The following GRID2 variants were observed in gnomAD, a reference collection of about 807,000 sequenced individuals.
GRID2 encodes the protein glutamate receptor ionotropic, delta-2.
GRID2 carries 33 observed loss-of-function variants against 114.8 expected under a neutral mutation model. The ratio of observed to expected loss-of-function variants is 0.29; its 90% CI spans 0.22 to 0.38. The LOEUF (loss-of-function observed/expected upper bound fraction) is 0.38, where lower values mean the gene tolerates loss of function less well. Among genes scored for constraint, GRID2 ranks in the 10% least tolerant of loss-of-function variants. The pLI is 1.00. For missense variants in GRID2, 1,184 were observed against 1,257.7 expected (o/e 0.94, Z 0.89); for synonymous variants, 505 against 449.9 (o/e 1.12, Z -1.55).
At chr4:92,505,519 C>CA (rs1284869816) in intron 1 of GRID2, among the ~76,000 whole-genome samples, 2 of 151,976 alleles carry the variant, frequency 1.3e-5, no homozygotes, top group East Asian at 3.9e-4. Context: ...AGTCAATGGT[C>CA]ATGATGCCCA....
At chr4:92,693,101 A>T (rs897493227) in intron 2 of GRID2, among the ~76,000 whole-genome samples, 1 of 151,638 alleles carries the variant, frequency 6.6e-6, no homozygotes, top group African/African-American at 2.4e-5. Context: ...TTAAAAATCT[A>T]TAGTAATGCA....
intron 1 of GRID2, among the ~76,000 whole-genome samples, chr4:93,796,340 A>G (rs1438786735): frequency 2.0e-5 from 3 of 152,128 alleles, no homozygotes; most frequent in South Asian, 4.1e-4. Flanking sequence ...GCACAGGGGG[A>G]ATTTTGAAAG....
At chr4:92,333,670 T>G (rs887732049) in intron 1 of GRID2, among the ~76,000 whole-genome samples, 1 of 152,206 alleles carries the variant, frequency 6.6e-6, no homozygotes, top group Non-Finnish European at 1.5e-5. Flanking sequence ...TGGTTAAAAC[T>G]AGACAAACAA....
At chr4:92,454,719 C>T (rs1322590185) in intron 1 of GRID2, among the ~76,000 whole-genome samples, 1 of 152,158 alleles carries the variant, frequency 6.6e-6, no homozygotes, top group East Asian at 1.9e-4. Flanking sequence ...GCCTGTAGTC[C>T]CAGCTATTCT....
At chr4:93,566,082 G>T (rs888510959) in intron 13 of GRID2, among the ~76,000 whole-genome samples, 1 of 152,058 alleles carries the variant, frequency 6.6e-6, no homozygotes, top group Non-Finnish European at 1.5e-5. Flanking sequence ...AGACGTCAAT[G>T]TCCTCTACCA....
intron 2 of GRID2, among the ~76,000 whole-genome samples, chr4:92,985,287 G>C (rs759014925): frequency 4.3e-4 from 64 of 149,942 alleles, no homozygotes; most frequent in Non-Finnish European, 7.7e-4. Flanking sequence ...GCAGTGGCGC[G>C]ATCTCAGCTC....
At chr4:92,989,047 G>C (rs1308975600) in intron 2 of GRID2, among the ~76,000 whole-genome samples, 1 of 152,042 alleles carries the variant, frequency 6.6e-6, no homozygotes, top group Non-Finnish European at 1.5e-5. Context: ...GGAAGCCGAA[G>C]CGGGCAGATC....
chr4:93,511,711 A>T (rs565222814), intron 12 of GRID2, among the ~76,000 whole-genome samples: 2 of 151,990 alleles, frequency 1.3e-5, no homozygotes, highest in Non-Finnish European at 2.9e-5. Context: ...ACTATGAGTT[A>T]TACATACTAA....
rs1305094716 is a variant in GRID2, at chr4:93,578,743, G to A, written c.2194-47526G>A. Among the ~76,000 whole-genome samples, 18 of 151,846 alleles carry A rather than the reference G, an allele frequency of 1.2e-4. No individual in the cohort carries two copies. In the East Asian group the frequency reaches 1.8e-3, roughly 15 times the overall value. On this transcript the variant is annotated intron_variant, in intron 13 of 15. Coordinates refer to ENST00000282020, the MANE Select transcript of GRID2 (RefSeq NM_001510.4). ...CAAGTAGCTGGGACTACAGGCGTCC[G>A]CCACCACGCCCAGCTAATTTTTTGT...
At chr4:93,533,697 G>T (rs186644517) in intron 13 of GRID2, among the ~76,000 whole-genome samples, 1 of 151,498 alleles carries the variant, frequency 6.6e-6, no homozygotes, top group African/African-American at 2.4e-5. Flanking sequence ...GCCCCTGTAG[G>T]TTTTTTATTT....
chr4:92,810,491 T>G (rs985775939), intron 2 of GRID2, among the ~76,000 whole-genome samples: 1 of 152,190 alleles, frequency 6.6e-6, no homozygotes, highest in East Asian at 1.9e-4. Context: ...ATACAATTTT[T>G]AAAAAAGAAT....
chr4:92,365,892 C>G (rs1728838355), intron 1 of GRID2, among the ~76,000 whole-genome samples: 1 of 152,002 alleles, frequency 6.6e-6, no homozygotes, highest in African/African-American at 2.4e-5. Flanking sequence ...GTATTGCTAC[C>G]TTTATTCAAC....
chr4:93,235,171 T>A (rs1746630465), intron 7 of GRID2, among the ~76,000 whole-genome samples: 1 of 152,156 alleles, frequency 6.6e-6, no homozygotes. Flanking sequence ...ATTTTTCTAC[T>A]CTTTGCTCTC....
At chr4:92,371,859 G>C (rs771408033) in intron 1 of GRID2, among the ~76,000 whole-genome samples, 3 of 152,204 alleles carry the variant, frequency 2.0e-5, no homozygotes, top group Admixed American at 2.0e-4. Context: ...TTCTGGAAAG[G>C]ATTTACCATT....
intron 1 of GRID2, among the ~76,000 whole-genome samples, chr4:92,539,596 C>T (rs1725826193): frequency 6.6e-6 from 1 of 151,846 alleles, no homozygotes; most frequent in Non-Finnish European, 1.5e-5. Context: ...AAGTAAACTT[C>T]CAAATGGTTA....
intron 2 of GRID2, among the ~76,000 whole-genome samples, chr4:92,949,881 G>A (rs1289606551): frequency 6.6e-6 from 1 of 152,012 alleles, no homozygotes; most frequent in African/African-American, 2.4e-5. Flanking sequence ...GATCTAATGA[G>A]ATCAGCCAGC....
chr4:93,698,900 G>C (rs553105591), intron 14 of GRID2, among the ~76,000 whole-genome samples: 1 of 152,150 alleles, frequency 6.6e-6, no homozygotes, highest in Non-Finnish European at 1.5e-5. Flanking sequence ...TGTTAATTAA[G>C]TGGCCTTGAG....
intron 2 of GRID2, among the ~76,000 whole-genome samples, chr4:92,930,264 A>G (rs1750126169): frequency 6.6e-6 from 1 of 151,312 alleles, no homozygotes; most frequent in African/African-American, 2.4e-5. Flanking sequence ...TTTTTCTAGC[A>G]TGGAACATTA....
intron 2 of GRID2, among the ~76,000 whole-genome samples, chr4:92,626,423 A>T (rs1730526944): frequency 6.6e-6 from 1 of 152,040 alleles, no homozygotes; most frequent in South Asian, 2.1e-4. Context: ...GACTATCAGT[A>T]GGAGTAAGTT....
Sources: allele counts gnomAD v4.1 joint callset (sites outside exome capture counted in the v4.1 genomes callset), GRCh38; gene constraint gnomAD v4.1.1; transcripts MANE v1.5; gene names NCBI Gene and HGNC (gene_info 2026-07-23, HGNC 2026-07-21).